The following SMYD1 variants were observed in gnomAD, a reference collection of about 807,000 sequenced individuals.
SMYD1 encodes SET and MYND domain containing 1.
SMYD1 carries 49 observed loss-of-function variants against 54.0 expected under a neutral mutation model. The observed-to-expected ratio is 0.91, with a 90% CI of 0.72 to 1.15. The LOEUF is 1.15. Ranked by LOEUF, SMYD1 falls within the 50% of genes most tolerant of loss-of-function variation. SMYD1 has a pLI of 0.00. For missense variants in SMYD1, 653 were observed against 639.6 expected (o/e 1.02, Z -0.23); for synonymous variants, 269 against 234.2 (o/e 1.15, Z -1.36).
intron 1 of SMYD1, among the ~76,000 whole-genome samples, chr2:88,074,252 G>A (rs1446714407): frequency 6.6e-6 from 1 of 152,204 alleles, no homozygotes; most frequent in East Asian, 1.9e-4. Flanking sequence ...AGTTCTGGAG[G>A]TTAGAAGTCT....
At chr2:88,097,211 C>A (rs1371021351) in intron 6 of SMYD1, among the ~76,000 whole-genome samples, 2 of 152,108 alleles carry the variant, frequency 1.3e-5, no homozygotes, top group African/African-American at 2.4e-5. Flanking sequence ...ATCTGGTTAT[C>A]AAAAAGATAT....
chr2:88,078,064 T>C (rs965782030), intron 1 of SMYD1, among the ~76,000 whole-genome samples: 27 of 152,258 alleles, frequency 1.8e-4, no homozygotes, highest in African/African-American at 5.3e-4. Context: ...CTTGTCCCCA[T>C]ACGATGTTCT....
intron 1 of SMYD1, among the ~76,000 whole-genome samples, chr2:88,083,856 G>A (rs1674256265): frequency 6.6e-6 from 1 of 152,208 alleles, no homozygotes; most frequent in Admixed American, 6.5e-5. Flanking sequence ...CAGCACTTTG[G>A]GAGGCTGAGG....
At chr2:88,101,097 T>C (rs1674709162) in intron 6 of SMYD1, among the ~76,000 whole-genome samples, 1 of 152,168 alleles carries the variant, frequency 6.6e-6, no homozygotes, top group Non-Finnish European at 1.5e-5. Flanking sequence ...ACTCTCATAC[T>C]GCGAGATGAA....
At chr2:88,069,803 C>T (rs1673907222) in intron 1 of SMYD1, among the ~76,000 whole-genome samples, 1 of 152,160 alleles carries the variant, frequency 6.6e-6, no homozygotes, top group Admixed American at 6.5e-5. Context: ...GTAATATACT[C>T]ATTATACAAG....
At chr2:88,103,219 G>C in intron 7 of SMYD1, 69 bp downstream of exon 7, 1 of 1,319,148 alleles carries the variant, frequency 7.6e-7, no homozygotes, top group African/African-American at 1.4e-5. Flanking sequence ...GTAAGGGAGG[G>C]AAGTGGCGTG....
At position 88,111,174 on chromosome 2, in the gene SMYD1, T is replaced by C. The variant is rs879229076; in HGVS notation, c.*662T>C. 6.6e-6 allele frequency: 1 copy of C among 152,212 alleles called. No individual in the cohort carries two copies. The highest frequency in any genetic ancestry group is 2.1e-4 in the South Asian group (1 of 4,832). 9.4% of individuals were successfully genotyped at this position (152,212 alleles called of 1,614,324 possible). A position where few individuals can be genotyped will look rare whatever the true frequency, so the allele number is the denominator to read the frequency against. On this transcript the variant is annotated 3_prime_UTR_variant, in exon 10 of 10. Transcript: ENST00000419482. ...TGGTGCATATGTCGAAAGAGCTGGC[T>C]GGGGGCCTTGCCCAAACCAACTGAG...
At chr2:88,071,881 C>G (rs1019786263) in intron 1 of SMYD1, among the ~76,000 whole-genome samples, 4 of 151,880 alleles carry the variant, frequency 2.6e-5, no homozygotes, top group Admixed American at 6.6e-5. Flanking sequence ...TCTGTGGTAC[C>G]TTAGCCCAAG....
chr2:88,103,242 G>A (rs1041554013), intron 7 of SMYD1, 92 bp downstream of exon 7: 16 of 906,264 alleles, frequency 1.8e-5, no homozygotes, highest in Admixed American at 6.2e-5. Flanking sequence ...AACGGGCGGC[G>A]GGGGAGGGGG....
chr2:88,092,997 G>A (rs1327220305), intron 4 of SMYD1, among the ~76,000 whole-genome samples: 2 of 152,188 alleles, frequency 1.3e-5, no homozygotes, highest in Non-Finnish European at 2.9e-5. Context: ...TTCCTGTCTA[G>A]CCACCTGCCA....
intron 5 of SMYD1, 105 bp downstream of exon 5, chr2:88,093,660 C>G: frequency 8.0e-7 from 1 of 1,248,438 alleles, no homozygotes; most frequent in African/African-American, 1.5e-5. Context: ...GCCATCTGTC[C>G]ATAACGTCCT....
At chr2:88,091,402 C>T (rs1462946939) in intron 4 of SMYD1, among the ~76,000 whole-genome samples, 1 of 152,176 alleles carries the variant, frequency 6.6e-6, no homozygotes, top group Non-Finnish European at 1.5e-5. Context: ...AAACCTTTAA[C>T]TACTATTTTA....
chr2:88,099,525 C>T (rs1422117865), intron 6 of SMYD1, among the ~76,000 whole-genome samples: 1 of 151,978 alleles, frequency 6.6e-6, no homozygotes, highest in African/African-American at 2.4e-5. Flanking sequence ...GAGTTCGATA[C>T]CAGCCTGGAC....
chr2:88,107,233 C>T (rs1001015567), intron 8 of SMYD1, among the ~76,000 whole-genome samples: 5 of 152,112 alleles, frequency 3.3e-5, no homozygotes, highest in Admixed American at 1.3e-4. Flanking sequence ...ATTCCCTTGC[C>T]TTCCATCTGC....
At chr2:88,073,778 C>T (rs1403736168) in intron 1 of SMYD1, among the ~76,000 whole-genome samples, 1 of 152,196 alleles carries the variant, frequency 6.6e-6, no homozygotes, top group Non-Finnish European at 1.5e-5. Flanking sequence ...TGTTTGTCAA[C>T]TTAATCTGTT....
intron 7 of SMYD1, among the ~76,000 whole-genome samples, chr2:88,105,372 C>CATAT (rs138375841): frequency 2.1e-5 from 3 of 145,940 alleles, no homozygotes; most frequent in Non-Finnish European, 4.5e-5. Flanking sequence ...TATGCGCATG[C>CATAT]ATATATACAC....
intron 6 of SMYD1, among the ~76,000 whole-genome samples, chr2:88,097,514 C>T (rs1302042093): frequency 2.6e-5 from 4 of 152,176 alleles, no homozygotes; most frequent in African/African-American, 9.7e-5. Context: ...TCCTCTTGTC[C>T]ATTTCCTCCA....
intron 6 of SMYD1, among the ~76,000 whole-genome samples, chr2:88,100,219 T>C (rs143554783): frequency 2.0e-3 from 304 of 152,186 alleles, no homozygotes; most frequent in Admixed American, 4.4e-3. Flanking sequence ...TTTCTCAGAG[T>C]AGATTTATCA....
intron 1 of SMYD1, among the ~76,000 whole-genome samples, chr2:88,072,577 T>C (rs1673973570): frequency 6.6e-6 from 1 of 152,244 alleles, no homozygotes; most frequent in African/African-American, 2.4e-5. Flanking sequence ...TAATATGCTA[T>C]ATTTATCAAT....
Sources: allele counts gnomAD v4.1 joint callset (sites outside exome capture counted in the v4.1 genomes callset), GRCh38; gene constraint gnomAD v4.1.1; transcripts MANE v1.5; gene names NCBI Gene and HGNC (gene_info 2026-07-23, HGNC 2026-07-21).